The following MAP3K20 variants were observed in gnomAD, a reference collection of about 807,000 sequenced individuals.
MAP3K20 encodes mitogen-activated protein kinase kinase kinase 20.
In MAP3K20, 40 loss-of-function variants were observed where a neutral mutation model predicts 85.7. The ratio of observed to expected loss-of-function variants is 0.47; its 90% CI spans 0.36 to 0.61. MAP3K20 has a LOEUF of 0.61. Among genes scored for constraint, MAP3K20 ranks in the 20% least tolerant of loss-of-function variants. The probability of loss-of-function intolerance (pLI) is 0.00; values close to 1 mark genes in which losing one functional copy is unlikely to be tolerated. For synonymous variants in MAP3K20, 325 were observed against 327.7 expected (o/e 0.99, Z 0.09); for missense variants, 817 against 961.7 (o/e 0.85, Z 1.99).
chr2:173,208,383 G>A (rs943580551), intron 9 of MAP3K20, among the ~76,000 whole-genome samples: 6 of 141,558 alleles, frequency 4.2e-5, no homozygotes, highest in Non-Finnish European at 7.7e-5. Flanking sequence ...GGGCAACAGA[G>A]CAAGACTCTG....
chr2:173,186,673 G>A (rs965822523), intron 4 of MAP3K20, among the ~76,000 whole-genome samples: 32 of 152,108 alleles, frequency 2.1e-4, no homozygotes, highest in African/African-American at 7.5e-4. Context: ...AGGTGAGGGG[G>A]AGGCTATTTC....
intron 2 of MAP3K20, among the ~76,000 whole-genome samples, chr2:173,134,252 G>C (rs565148035): frequency 7.0e-6 from 1 of 143,048 alleles, no homozygotes; most frequent in East Asian, 2.0e-4. Context: ...GTGCCGTGGC[G>C]TGATTTTGGC....
At chr2:173,075,702 C>T (rs920248543), upstream of MAP3K20, 23 of 937,716 alleles carry the variant, frequency 2.5e-5, no homozygotes, top group Non-Finnish European at 2.9e-5. Flanking sequence ...GGTGCCGGGG[C>T]GCGGGGCGGA....
intron 11 of MAP3K20, chr2:173,221,953 CTG>C (rs1271460194): frequency 1.0e-6 from 1 of 986,614 alleles, no homozygotes; most frequent in Admixed American, 6.1e-5. Flanking sequence ...CGTAGTAATT[CTG>C]TGACATACTT....
Position 173,266,339 on chromosome 2 carries a change from T to C in MAP3K20, c.1992T>C (p.Thr664=), listed in dbSNP as rs1685421226. 1 of 1,614,060 alleles carries C rather than the reference T, an allele frequency of 6.2e-7. No homozygotes were observed. The highest frequency in any genetic ancestry group is 8.5e-7 in the Non-Finnish European group (1 of 1,180,030). Residue 664 remains threonine (T), a synonymous_variant, in exon 20 of 20, where the codon ACT becomes ACC. Coordinates refer to ENST00000375213, the MANE Select transcript of MAP3K20 (RefSeq NM_016653.3). ...SRDSGFSSGN[T]DTSSERGRYS... Reference sequence around the variant, plus strand: ...ACAGTGGCTTTTCCAGTGGCAATACTGACACCTCTTCAGAGAGGGGTCGAT... The same window carrying C: ...ACAGTGGCTTTTCCAGTGGCAATACCGACACCTCTTCAGAGAGGGGTCGAT...
In MAP3K20 at chr2:173,091,102, G is replaced by A. The variant is rs201411802; in HGVS notation, c.71G>A (p.Gly24Glu). 6.2e-7 allele frequency: 1 copy of A among 1,614,052 alleles called. No homozygotes were observed. Among genetic ancestry groups the A allele is most frequent in the African/African-American group, 1.3e-5 (1 of 75,014 alleles). ...DDLQFFENCG[G>E]GSFGSVYRAK... Reference sequence around the variant, plus strand: ...TTGCAGTTTTTTGAAAACTGCGGTGGAGGAAGTTTTGGGAGTGTTTATCGA... The same window carrying A: ...TTGCAGTTTTTTGAAAACTGCGGTGAAGGAAGTTTTGGGAGTGTTTATCGA... The change falls in exon 2 of 20, where the codon GGA (glycine) becomes GAA (glutamate). Residue 24 changes from glycine (G) to glutamate (E), a missense_variant. This residue lies in a region of MAP3K20 where 200 missense variants were observed against 302.7 expected (regional missense o/e 0.66). Transcript: ENST00000375213.
chr2:173,266,693 C>T lies in MAP3K20; in HGVS notation c.2346C>T (p.Pro782=), dbSNP rs746871474. 56 of 1,595,676 alleles carry T rather than the reference C, an allele frequency of 3.5e-5. No individual in the cohort carries two copies. Among genetic ancestry groups the T allele is most frequent in the Non-Finnish European group, 4.4e-5 (52 of 1,171,558 alleles). ...EYRKKPHRPS[P]AKTNKERARG... The stretch of plus-strand genomic sequence containing the variant: ...GGAAAAAGCCCCACAGGCCATCTCC[C>T]GCCAAAACCAATAAAGAGAGAGCCA... The change falls in exon 20 of 20, where the codon CCC becomes CCT. Residue 782 remains proline (P), a synonymous_variant. Coordinates refer to ENST00000375213, the MANE Select transcript of MAP3K20 (RefSeq NM_016653.3).
rs1181732950 is a variant in MAP3K20, at chr2:173,233,438, TTTTG to T, written c.1203+987_1203+990del. Reference sequence around the variant, plus strand: ...TGTGGTGGTCGTGGTCATGGTTGTTTTTTGTTTGTTTTTGTTTTTTCAATTTAGC... The same window carrying T: ...TGTGGTGGTCGTGGTCATGGTTGTTTTTTGTTTTTGTTTTTTCAATTTAGC... On this transcript the variant is annotated intron_variant, in intron 14 of 19. Coordinates refer to ENST00000375213, the MANE Select transcript of MAP3K20 (RefSeq NM_016653.3). 2.0e-5 allele frequency among the ~76,000 whole-genome samples: 3 copies of T among 152,146 alleles called. No individual in the cohort carries two copies. The East Asian group carries it at 5.8e-4, about 29-fold the overall frequency.
chr2:173,258,817 T>A lies in MAP3K20; in HGVS notation c.1476+2T>A, dbSNP rs748881862. On this transcript the variant is annotated splice_donor_variant, in intron 17 of 19. Coordinates refer to ENST00000375213, the MANE Select transcript of MAP3K20 (RefSeq NM_016653.3). LOFTEE classifies it high-confidence loss of function. ...GCGGAGATTTTAAAGATGACAAAGG[T>A]AGGGTTCTATTTACGGCTTAAAAGC... The A allele has an allele frequency of 3.2e-6, 5 of 1,570,280 alleles. No homozygotes were observed. In the East Asian group the frequency reaches 1.1e-4, roughly 35 times the overall value.
intron 2 of MAP3K20, among the ~76,000 whole-genome samples, chr2:173,117,923 G>T (rs1688170569): frequency 6.6e-6 from 1 of 152,164 alleles, no homozygotes; most frequent in Non-Finnish European, 1.5e-5. Flanking sequence ...ATGATGGGAA[G>T]GGGGTGATAG....
intron 14 of MAP3K20, among the ~76,000 whole-genome samples, chr2:173,236,045 C>T (rs1159282313): frequency 6.6e-6 from 1 of 152,132 alleles, no homozygotes; most frequent in Admixed American, 6.5e-5. Flanking sequence ...GTGGGCAACT[C>T]ACTTGAAACC....
At chr2:173,265,503 A>G (rs1484876061) in intron 19 of MAP3K20, among the ~76,000 whole-genome samples, 1 of 152,154 alleles carries the variant, frequency 6.6e-6, no homozygotes, top group African/African-American at 2.4e-5. Context: ...TCTTCCAAAC[A>G]ATCTCTAGCT....
At chr2:173,165,784 G>A (rs148475223) in intron 2 of MAP3K20, among the ~76,000 whole-genome samples, 6 of 152,274 alleles carry the variant, frequency 3.9e-5, no homozygotes, top group African/African-American at 1.4e-4. Context: ...CCATCCTACT[G>A]CCTCAGCCTC....
intron 11 of MAP3K20, chr2:173,224,065 T>C: frequency 1.4e-5 from 13 of 917,396 alleles, no homozygotes; most frequent in Non-Finnish European, 1.6e-5. Context: ...AGAGCTTACA[T>C]GCCAGTGAGT....
At chr2:173,129,850 A>C (rs1480882035) in intron 2 of MAP3K20, among the ~76,000 whole-genome samples, 1 of 152,218 alleles carries the variant, frequency 6.6e-6, no homozygotes, top group Non-Finnish European at 1.5e-5. Context: ...TTGGGGCCAA[A>C]CATACTATTA....
intron 4 of MAP3K20, 106 bp from the exon 5 acceptor site, chr2:173,187,452 A>C: frequency 1.2e-6 from 1 of 850,542 alleles, no homozygotes; most frequent in Non-Finnish European, 1.8e-6. Flanking sequence ...AGAATAAGAC[A>C]TGTGAATTAG....
intron 16 of MAP3K20, among the ~76,000 whole-genome samples, chr2:173,244,125 C>T (rs188832658): frequency 5.9e-5 from 9 of 152,186 alleles, no homozygotes; most frequent in African/African-American, 1.7e-4. Context: ...TAGCTGGAGA[C>T]GCAGCAAGTG....
chr2:173,154,461 G>A (rs901079626), intron 2 of MAP3K20, among the ~76,000 whole-genome samples: 16 of 152,114 alleles, frequency 1.1e-4, no homozygotes, highest in African/African-American at 3.9e-4. Flanking sequence ...TGGTATTATA[G>A]GCATGAGCCA....
chr2:173,094,323 T>C (rs1574006756), intron 2 of MAP3K20, among the ~76,000 whole-genome samples: 2 of 152,172 alleles, frequency 1.3e-5, no homozygotes, highest in East Asian at 3.8e-4. Flanking sequence ...GAGAGTACAT[T>C]ACAGATGCCA....
Sources: gnomAD v4.1 joint callset for allele counts (sites outside exome capture counted in the v4.1 genomes callset) on GRCh38, gnomAD v4.1.1 for gene constraint, gnomAD v4.1.1 regional missense constraint, MANE v1.5 for transcripts, NCBI Gene and HGNC (gene_info 2026-07-23, HGNC 2026-07-21) for gene names.